TRIO: variants seen among roughly 807,000 people sequenced by gnomAD.
TRIO encodes the protein trio Rho guanine nucleotide exchange factor.
TRIO carries 58 observed loss-of-function variants against 351.9 expected under a neutral mutation model. The ratio of observed to expected loss-of-function variants is 0.16; its 90% CI spans 0.13 to 0.21. The LOEUF (loss-of-function observed/expected upper bound fraction) is 0.21. Ranked by LOEUF, TRIO falls within the 10% of genes least tolerant of loss-of-function variation. TRIO has a pLI of 1.00. For synonymous variants in TRIO, 1,758 were observed against 1,595.7 expected, an observed-to-expected ratio of 1.10 and a Z score of -2.42; for missense variants, 3,201 against 4,027.8, an observed-to-expected ratio of 0.79 and a Z score of 5.56.
intron 33 of TRIO, among the ~76,000 whole-genome samples, chr5:14,409,568 C>T (rs1233598538): frequency 6.6e-6 from 1 of 152,280 alleles, no homozygotes; most frequent in Middle Eastern, 3.4e-3. Flanking sequence ...CACGCGGTGG[C>T]TCACGCCTGT....
chr5:14,150,047 A>AG (rs1335487450), intron 1 of TRIO, among the ~76,000 whole-genome samples: 1 of 152,156 alleles, frequency 6.6e-6, no homozygotes, highest in Non-Finnish European at 1.5e-5. Context: ...TCCTGAAAGG[A>AG]GGGGGAGCTG....
At position 14,349,816 on chromosome 5, in the gene TRIO, C is replaced by T. The variant is rs549241014; in HGVS notation, c.2047-8362C>T. On this transcript the variant is annotated intron_variant, in intron 11 of 56. Coordinates refer to ENST00000344204, the MANE Select transcript of TRIO (RefSeq NM_007118.4). ...CAGGGGGTTGGTGTACAGATTATTTCTTCACCAAGGTACTAAGCATAGTAC... is the reference window on the plus strand; with the variant it reads ...CAGGGGGTTGGTGTACAGATTATTTTTTCACCAAGGTACTAAGCATAGTAC... Among the ~76,000 whole-genome samples the T allele has an allele frequency of 9.9e-5, 15 of 152,252 alleles. No individual in the cohort carries two copies. The East Asian group carries it at 2.9e-3, about 29-fold the overall frequency.
intron 1 of TRIO, among the ~76,000 whole-genome samples, chr5:14,167,829 C>G (rs571431973): frequency 6.6e-6 from 1 of 152,306 alleles, no homozygotes; most frequent in East Asian, 1.9e-4. Context: ...CCCTGACCCA[C>G]CACCAGTGGA....
chr5:14,254,380 C>T (rs1794913838), intron 1 of TRIO, among the ~76,000 whole-genome samples: 1 of 152,162 alleles, frequency 6.6e-6, no homozygotes, highest in Non-Finnish European at 1.5e-5. Context: ...CCATGTTGGC[C>T]AGGTTGGTCT....
intron 8 of TRIO, among the ~76,000 whole-genome samples, chr5:14,311,854 T>C (rs1270054954): frequency 1.3e-5 from 2 of 152,188 alleles, no homozygotes; most frequent in Non-Finnish European, 2.9e-5. Context: ...GGAACACTTT[T>C]TCTTTATTAC....
intron 34 of TRIO, among the ~76,000 whole-genome samples, chr5:14,435,880 T>A (rs560099900): frequency 8.5e-5 from 13 of 152,322 alleles, no homozygotes; most frequent in African/African-American, 3.1e-4. Context: ...GCCACAGTCC[T>A]GGAGTCAGCC....
In TRIO at chr5:14,366,553, C is replaced by T. The variant is rs149103894; in HGVS notation, c.2755-307C>T. Among the ~76,000 whole-genome samples, 1,905 of 152,284 alleles carry T rather than the reference C, an allele frequency of 0.013. 45 individuals are homozygous for T. Among genetic ancestry groups the T allele is most frequent in the African/African-American group, 0.043 (1,802 of 41,560 alleles). ...GGAATTCCTGGTGTCAGTAGGTTTT[C>T]TAAAATATGGCCCATAATCTGTTTT... On this transcript the variant is annotated intron_variant, in intron 15 of 56. Coordinates refer to ENST00000344204, the MANE Select transcript of TRIO (RefSeq NM_007118.4).
At chr5:14,381,810 C>T (rs1746131562) in intron 21 of TRIO, among the ~76,000 whole-genome samples, 1 of 152,106 alleles carries the variant, frequency 6.6e-6, no homozygotes. Flanking sequence ...TCATTTTTCT[C>T]CTGAAAATAA....
At chr5:14,406,159 A>T in intron 32 of TRIO, 169 bp downstream of exon 32, 1 of 1,019,948 alleles carries the variant, frequency 9.8e-7, no homozygotes, top group East Asian at 2.7e-5. Context: ...GCTTTGTCAG[A>T]GATAAGAGCC....
chr5:14,285,436 T>G (rs1276318204), intron 3 of TRIO, among the ~76,000 whole-genome samples: 1 of 151,918 alleles, frequency 6.6e-6, no homozygotes, highest in African/African-American at 2.4e-5. Flanking sequence ...CTTACTGATG[T>G]AGATGTCATA....
chr5:14,360,314 T>G (rs1457823283), intron 13 of TRIO, among the ~76,000 whole-genome samples: 1 of 152,184 alleles, frequency 6.6e-6, no homozygotes, highest in Non-Finnish European at 1.5e-5. Flanking sequence ...AGCTCTCTTT[T>G]TTGATACCAT....
chr5:14,366,826 C>G, intron 15 of TRIO, 34 bp from the exon 16 acceptor site: 1 of 1,613,038 alleles, frequency 6.2e-7, no homozygotes, highest in Non-Finnish European at 8.5e-7. Context: ...TCTGGGAAGT[C>G]CACTGCTTGG....
intron 1 of TRIO, among the ~76,000 whole-genome samples, chr5:14,250,398 G>A (rs992110020): frequency 3.3e-5 from 5 of 152,184 alleles, no homozygotes; most frequent in African/African-American, 9.7e-5. Context: ...TGTTAATGAG[G>A]GTAGTGTGTG....
At chr5:14,404,360 C>T (rs986934444) in intron 31 of TRIO, among the ~76,000 whole-genome samples, 3 of 152,000 alleles carry the variant, frequency 2.0e-5, no homozygotes, top group African/African-American at 7.3e-5. Context: ...ACCTCAGTTA[C>T]CTTTCTCTTA....
chr5:14,441,977 A>C (rs542451713), intron 34 of TRIO, among the ~76,000 whole-genome samples: 1 of 152,228 alleles, frequency 6.6e-6, no homozygotes, highest in Non-Finnish European at 1.5e-5. Flanking sequence ...GAGGTCGGTA[A>C]GCTTCACTTT....
rs1746681452 is a variant in TRIO, at chr5:14,387,838, G to T, written c.3872G>T (p.Arg1291Leu). The stretch of plus-strand genomic sequence containing the variant: ...AATGAAGAGAAGCGGAAATCTGCCC[G>T]CAGGAAAGAGTAAGCCAGTCTTTCA... Reference protein sequence around the residue: ...ELNEEKRKSARRKEFIMAELI... With the variant: ...ELNEEKRKSALRKEFIMAELI... The change falls in exon 23 of 57, where the codon CGC becomes CTC. Residue 1291 changes from arginine to leucine, a missense_variant. Coordinates refer to ENST00000344204, the MANE Select transcript of TRIO (RefSeq NM_007118.4). 1.2e-6 allele frequency: 2 copies of T among 1,613,706 alleles called. No homozygotes were observed. The highest frequency in any genetic ancestry group is 2.2e-5 in the East Asian group (1 of 44,900).
chr5:14,412,779 G>A (rs1056503385), intron 33 of TRIO, among the ~76,000 whole-genome samples: 1 of 152,182 alleles, frequency 6.6e-6, no homozygotes, highest in African/African-American at 2.4e-5. Flanking sequence ...AACCGCAGTT[G>A]ACCTTCCTCT....
chr5:14,177,138 T>C (rs1157453222), intron 1 of TRIO, among the ~76,000 whole-genome samples: 1 of 152,160 alleles, frequency 6.6e-6, no homozygotes, highest in Non-Finnish European at 1.5e-5. Context: ...GAGCATACAG[T>C]TATGCCCCAG....
In TRIO at chr5:14,487,976, C is replaced by G. The variant is rs767558234; in HGVS notation, c.7348C>G (p.Arg2450Gly). 6.4e-7 allele frequency: 1 copy of G among 1,554,102 alleles called. No individual in the cohort carries two copies. The highest frequency in any genetic ancestry group is 1.9e-4 in the Middle Eastern group (1 of 5,366). ...GGGCACCCTGCCGCTTGGGAAGCCC[C>G]GGGCCGGGGCCGCTTCGCCGCTGAA... ...SLGTLPLGKPRAGAASPLNSP... is the reference protein window; with the variant it reads ...SLGTLPLGKPGAGAASPLNSP... The change falls in exon 48 of 57, where the codon CGG becomes GGG. Residue 2450 changes from arginine to glycine, a missense_variant. Physicochemically the swap from Arg to Gly is moderately radical, Grantham distance 125 (BLOSUM62 -2). Transcript: ENST00000344204.
Sources: gnomAD v4.1 joint callset for allele counts (sites outside exome capture counted in the v4.1 genomes callset) on GRCh38, gnomAD v4.1.1 for gene constraint, MANE v1.5 for transcripts, NCBI Gene and HGNC (gene_info 2026-07-23, HGNC 2026-07-21) for gene names.